ASXL3: variants seen among roughly 807,000 people sequenced by gnomAD.
The protein encoded by ASXL3 is putative Polycomb group protein ASXL3.
Under a neutral mutation model 170.6 loss-of-function variants are expected in ASXL3, and 34 were observed. That is an observed-to-expected ratio of 0.20 (90% CI 0.15 to 0.27). The LOEUF is 0.27. Ranked by LOEUF, ASXL3 falls within the 10% of genes least tolerant of loss-of-function variation. The pLI is 1.00. For synonymous variants in ASXL3, 1,002 were observed against 989.1 expected (o/e 1.01, Z -0.24); for missense variants, 2,592 against 2,695.3 (o/e 0.96, Z 0.85).
At chr18:33,715,111 T>G (rs756394888) in intron 8 of ASXL3, among the ~76,000 whole-genome samples, 2 of 152,146 alleles carry the variant, frequency 1.3e-5, no homozygotes, top group Admixed American at 6.5e-5. Context: ...GGCCTCTGCA[T>G]TTTACTTTAT....
intron 1 of ASXL3, among the ~76,000 whole-genome samples, chr18:33,587,771 A>G (rs1234549362): frequency 6.8e-6 from 1 of 147,504 alleles, no homozygotes; most frequent in African/African-American, 2.5e-5. Context: ...GATTACAATT[A>G]AAAAAAAAAG....
At position 33,746,426 on chromosome 18, in the gene ASXL3, C is replaced by G; in HGVS notation, c.6578C>G (p.Ala2193Gly). ...GCCACAGGCTTGTCTGGTCAGAACG[C>G]TCAGATGCCCGTTCAGAACTTTGCC... is the stretch of plus-strand genomic sequence containing the variant. Reference protein sequence around the residue: ...NPATGLSGQNAQMPVQNFADS... With the variant: ...NPATGLSGQNGQMPVQNFADS... Residue 2193 changes from alanine to glycine, a missense_variant, in exon 12 of 12, where the codon GCT becomes GGT. Ala to Gly is a moderately conservative substitution (Grantham distance 60). Around this residue, in one of 4 missense-constraint regions of ASXL3, gnomAD observed 2,246 missense variants for 2,219.6 expected, o/e 1.01. Transcript: ENST00000269197. The G allele has an allele frequency of 6.2e-7, 1 of 1,614,020 alleles. No homozygotes were observed. Among genetic ancestry groups the G allele is most frequent in the African/African-American group, 1.3e-5 (1 of 75,070 alleles).
intron 1 of ASXL3, among the ~76,000 whole-genome samples, chr18:33,590,111 GTTT>G (rs567969303): frequency 7.2e-5 from 6 of 83,172 alleles, no homozygotes; most frequent in African/African-American, 4.1e-4. Flanking sequence ...TGCTTTCTAT[GTTT>G]TTTTTTTTTT....
At chr18:33,617,581 G>A (rs1316179683) in intron 2 of ASXL3, among the ~76,000 whole-genome samples, 1 of 152,110 alleles carries the variant, frequency 6.6e-6, no homozygotes, top group Non-Finnish European at 1.5e-5. Flanking sequence ...TAGCTGTGGT[G>A]ACTGCATGTA....
chr18:33,588,355 G>T (rs2065050918), intron 1 of ASXL3, among the ~76,000 whole-genome samples: 1 of 143,394 alleles, frequency 7.0e-6, no homozygotes, highest in Non-Finnish European at 1.5e-5. Flanking sequence ...TAGAAAAGGA[G>T]CAGGTTTTTT....
At chr18:33,721,382 G>A (rs1484637436) in intron 8 of ASXL3, among the ~76,000 whole-genome samples, 1 of 151,880 alleles carries the variant, frequency 6.6e-6, no homozygotes, top group African/African-American at 2.4e-5. Context: ...AAAATTATAT[G>A]TACACACATA....
At chr18:33,712,485 G>A (rs921734718) in intron 8 of ASXL3, among the ~76,000 whole-genome samples, 3 of 152,086 alleles carry the variant, frequency 2.0e-5, no homozygotes, top group African/African-American at 7.2e-5. Context: ...AATCTCTTTT[G>A]TATTTCAGAC....
At chr18:33,650,616 A>G (rs1216726184) in intron 4 of ASXL3, among the ~76,000 whole-genome samples, 1 of 152,164 alleles carries the variant, frequency 6.6e-6, no homozygotes, top group Non-Finnish European at 1.5e-5. Context: ...CACTCAGCCA[A>G]TAGTGAAACC....
At position 33,621,462 on chromosome 18, in the gene ASXL3, A is replaced by G. The variant is rs114208762; in HGVS notation, c.137+13786A>G. 3.5e-3 allele frequency among the ~76,000 whole-genome samples: 529 copies of G among 152,306 alleles called. 3 individuals carry two copies. The highest frequency in any genetic ancestry group is 0.012 in the African/African-American group (506 of 41,582). ...AAAAACCGCAATTACTTTTGCACCT[A>G]CCTAATAGTAAATAGTTGTAAAACT... On this transcript the variant is annotated intron_variant, in intron 2 of 11. Transcript: ENST00000269197.
chr18:33,670,865 AT>A, intron 6 of ASXL3, 75 bp downstream of exon 6: 8 of 989,622 alleles, frequency 8.1e-6, no homozygotes, highest in East Asian at 2.9e-5. Context: ...AGATGTCATG[AT>A]TTTTTTTCTG....
chr18:33,715,195 G>T (rs1451803818), intron 8 of ASXL3, among the ~76,000 whole-genome samples: 2 of 152,160 alleles, frequency 1.3e-5, no homozygotes, highest in Non-Finnish European at 2.9e-5. Context: ...ACTAGGTTGT[G>T]CATGTGTGGA....
At chr18:33,605,960 A>G (rs1423439818) in intron 1 of ASXL3, among the ~76,000 whole-genome samples, 3 of 151,868 alleles carry the variant, frequency 2.0e-5, no homozygotes, top group Non-Finnish European at 1.5e-5. Context: ...CACACTATAT[A>G]TAGTCCATGT....
intron 8 of ASXL3, among the ~76,000 whole-genome samples, chr18:33,706,486 G>A (rs1436172245): frequency 2.0e-5 from 3 of 151,752 alleles, no homozygotes; most frequent in East Asian, 1.9e-4. Context: ...CCAGTGATAT[G>A]TGAACATTTA....
intron 8 of ASXL3, among the ~76,000 whole-genome samples, chr18:33,692,603 C>G (rs1172262368): frequency 6.6e-6 from 1 of 152,126 alleles, no homozygotes; most frequent in African/African-American, 2.4e-5. Flanking sequence ...TATTTCCTTC[C>G]TGGCACTCAC....
In ASXL3 at chr18:33,599,684, A is replaced by G. The variant is rs150542601; in HGVS notation, c.55-7910A>G. Among the ~76,000 whole-genome samples the G allele has an allele frequency of 2.0e-3, 303 of 152,300 alleles. 2 individuals carry two copies. The highest frequency in any genetic ancestry group is 6.1e-3 in the African/African-American group (252 of 41,580). ...TGCAGCAGGTTTTTTTGGGGCATGT[A>G]GAAATCCAGTGGAGGAGATTTCTGG... On this transcript the variant is annotated intron_variant, in intron 1 of 11. Transcript: ENST00000269197.
intron 8 of ASXL3, among the ~76,000 whole-genome samples, chr18:33,704,288 T>C (rs1253086162): frequency 6.6e-6 from 1 of 152,278 alleles, no homozygotes. Flanking sequence ...TTTTTGATAT[T>C]ACAGATGCCT....
At chr18:33,680,844 A>C (rs913534119) in intron 7 of ASXL3, among the ~76,000 whole-genome samples, 1 of 151,670 alleles carries the variant, frequency 6.6e-6, no homozygotes, top group Non-Finnish European at 1.5e-5. Context: ...TATTCTTTCC[A>C]TATAATTTTT....
rs2066809533 is a variant in ASXL3 at position 33,698,311 on chromosome 18, G to T, written c.879+14743G>T. On this transcript the variant is annotated intron_variant, in intron 8 of 11. Coordinates refer to ENST00000269197, the MANE Select transcript of ASXL3 (RefSeq NM_030632.3). ...TCACCTCTACTGGTGCCTTGATCTT[G>T]GATCTCACAGCCCCTAGAACTGTGA... 2.0e-5 allele frequency among the ~76,000 whole-genome samples: 3 copies of T among 152,108 alleles called. 1 individual carries two copies. Among genetic ancestry groups the T allele is most frequent in the Admixed American group, 2.0e-4 (3 of 15,258 alleles).
rs1458025997 is a variant in ASXL3 at position 33,683,308 on chromosome 18, C to T, written c.716-97C>T. On this transcript the variant is annotated intron_variant, in intron 7 of 11. Transcript: ENST00000269197. ...AGAAGTAAACATAAAATTGAATATA[C>T]ATGTTCACTAGATATATGTGGCTGT... The T allele has an allele frequency of 2.9e-6, 3 of 1,037,422 alleles. No homozygotes were observed. In the African/African-American group the frequency reaches 4.9e-5, roughly 17 times the overall value. The allele number at this position is 1,037,422 out of a possible 1,614,324, so 64.3% of individuals were successfully genotyped here.
Sources: gnomAD v4.1 joint callset for allele counts (sites outside exome capture counted in the v4.1 genomes callset) on GRCh38, gnomAD v4.1.1 for gene constraint, gnomAD v4.1.1 regional missense constraint, MANE v1.5 for transcripts, NCBI Gene and HGNC (gene_info 2026-07-23, HGNC 2026-07-21) for gene names.